Variants in ZBTB20 observed in about 807,000 individuals in gnomAD.
ZBTB20 encodes the protein zinc finger and BTB domain-containing protein 20.
A neutral mutation model predicts 56.9 loss-of-function variants in ZBTB20; 9 were observed. The observed-to-expected ratio is 0.16, with a 90% CI of 0.10 to 0.28. The LOEUF is 0.28. Ranked by LOEUF, ZBTB20 falls within the 10% of genes least tolerant of loss-of-function variation. The probability of loss-of-function intolerance (pLI) is 1.00; values close to 1 mark genes in which losing one functional copy is unlikely to be tolerated. For synonymous variants in ZBTB20, 417 were observed against 420.7 expected (o/e 0.99, Z 0.11); for missense variants, 655 against 1,003.0 (o/e 0.65, Z 4.69).
intron 6 of ZBTB20, among the ~76,000 whole-genome samples, chr3:114,676,963 C>T (rs1340357732): frequency 2.6e-5 from 4 of 151,882 alleles, no homozygotes; most frequent in Non-Finnish European, 4.4e-5. Context: ...TTAGTAGAGA[C>T]GGGGTTTCAC....
chr3:115,103,190 T>C (rs540690680), intron 1 of ZBTB20: 1 of 152,304 alleles, frequency 6.6e-6, no homozygotes, highest in Non-Finnish European at 1.5e-5. Flanking sequence ...GTTATTTAAT[T>C]AAATTGCTTC....
chr3:115,073,013 C>A (rs549706852), intron 1 of ZBTB20, among the ~76,000 whole-genome samples: 7 of 152,094 alleles, frequency 4.6e-5, no homozygotes, highest in Non-Finnish European at 7.4e-5. Flanking sequence ...GTTATAAGCA[C>A]AAGGGGTGAT....
At chr3:114,527,864 T>C (rs1176896547) in intron 6 of ZBTB20, among the ~76,000 whole-genome samples, 1 of 152,190 alleles carries the variant, frequency 6.6e-6, no homozygotes, top group African/African-American at 2.4e-5. Flanking sequence ...AATTATTTGT[T>C]GTACACAGTA....
At chr3:114,959,600 A>G in intron 3 of ZBTB20, among the ~76,000 whole-genome samples, 1 of 152,066 alleles carries the variant, frequency 6.6e-6, no homozygotes, top group Non-Finnish European at 1.5e-5. Flanking sequence ...TTTGTATGCC[A>G]AAGAGAATCA....
intron 5 of ZBTB20, among the ~76,000 whole-genome samples, chr3:114,710,979 C>T (rs2064036185): frequency 6.6e-6 from 1 of 152,154 alleles, no homozygotes. Flanking sequence ...AAAGTCTTTA[C>T]AATATCCATC....
intron 6 of ZBTB20, among the ~76,000 whole-genome samples, chr3:114,533,862 C>A (rs76719887): frequency 6.6e-6 from 1 of 152,154 alleles, no homozygotes; most frequent in Non-Finnish European, 1.5e-5. Context: ...GAATTTTCAA[C>A]CCAGAATTTC....
chr3:114,504,712 C>T (rs1409905637), intron 6 of ZBTB20, among the ~76,000 whole-genome samples: 1 of 152,138 alleles, frequency 6.6e-6, no homozygotes, highest in African/African-American at 2.4e-5. Flanking sequence ...CTGGCAGGCA[C>T]CCTTAGTATT....
chr3:115,076,156 A>G (rs1221362072), intron 1 of ZBTB20, among the ~76,000 whole-genome samples: 1 of 152,190 alleles, frequency 6.6e-6, no homozygotes, highest in African/African-American at 2.4e-5. Flanking sequence ...GAAGACTTTA[A>G]TATTGTTAAA....
chr3:114,652,337 T>C (rs1230097360), intron 6 of ZBTB20, among the ~76,000 whole-genome samples: 3 of 152,086 alleles, frequency 2.0e-5, no homozygotes, highest in Non-Finnish European at 4.4e-5. Context: ...TGTTGTATCA[T>C]ACTCTGTTTT....
At chr3:114,479,509 A>AT (rs2041279638) in intron 7 of ZBTB20, among the ~76,000 whole-genome samples, 1 of 152,192 alleles carries the variant, frequency 6.6e-6, no homozygotes, top group African/African-American at 2.4e-5. Context: ...ACGTCTACAT[A>AT]TGTACACCGT....
chr3:114,579,436 A>T (rs2054418726), intron 6 of ZBTB20, among the ~76,000 whole-genome samples: 1 of 151,570 alleles, frequency 6.6e-6, no homozygotes, highest in Admixed American at 6.6e-5. Context: ...CCAGGAGAAA[A>T]ATTTAGAGTC....
intron 6 of ZBTB20, among the ~76,000 whole-genome samples, chr3:114,532,343 T>C (rs966908201): frequency 6.6e-6 from 1 of 152,092 alleles, no homozygotes; most frequent in African/African-American, 2.4e-5. Flanking sequence ...TAGGTGGTTT[T>C]CCCCTCACAG....
intron 6 of ZBTB20, among the ~76,000 whole-genome samples, chr3:114,583,733 A>C (rs188250035): frequency 6.6e-6 from 1 of 152,336 alleles, no homozygotes; most frequent in East Asian, 1.9e-4. Context: ...AAACTGTTGA[A>C]ATGTATATTC....
Position 114,806,608 on chromosome 3 carries a change from A to G in ZBTB20, c.-416-5434T>C, listed in dbSNP as rs540417522. Among the ~76,000 whole-genome samples, 32 of 152,068 alleles carry G rather than the reference A, an allele frequency of 2.1e-4. No homozygotes were observed. The South Asian group carries it at 6.6e-3, about 32-fold the overall frequency. The stretch of plus-strand genomic sequence containing the variant: ...TGCAAAAGTTTTAAATTTTGTTGAC[A>G]TCCTAATTACCAAGGATTTTATTGA... On this transcript the variant is annotated intron_variant, in intron 4 of 11. Coordinates refer to ENST00000675478, the MANE Select transcript of ZBTB20 (RefSeq NM_001348800.3).
intron 4 of ZBTB20, among the ~76,000 whole-genome samples, chr3:114,890,190 T>C (rs1420390337): frequency 6.6e-6 from 1 of 152,168 alleles, no homozygotes. Flanking sequence ...GCAGTTAAAA[T>C]AGAAATTCCT....
At chr3:114,623,403 G>A (rs1381604930) in intron 6 of ZBTB20, among the ~76,000 whole-genome samples, 1 of 152,090 alleles carries the variant, frequency 6.6e-6, no homozygotes, top group East Asian at 1.9e-4. Context: ...AATACTGTGA[G>A]GACAGTCATT....
At chr3:115,134,090 C>A (rs2084588155) in intron 1 of ZBTB20, among the ~76,000 whole-genome samples, 1 of 152,144 alleles carries the variant, frequency 6.6e-6, no homozygotes, top group African/African-American at 2.4e-5. Flanking sequence ...ATACTAACTT[C>A]TTAACATTAG....
intron 6 of ZBTB20, among the ~76,000 whole-genome samples, chr3:114,593,686 G>T (rs926116591): frequency 1.4e-4 from 21 of 152,026 alleles, no homozygotes; most frequent in African/African-American, 5.1e-4. Context: ...GCCTGGCCTA[G>T]GAGATTTTGG....
chr3:114,633,629 C>A (rs2059089087), intron 6 of ZBTB20, among the ~76,000 whole-genome samples: 4 of 152,112 alleles, frequency 2.6e-5, no homozygotes, highest in Admixed American at 2.6e-4. Context: ...TATATAACTC[C>A]AGAAAAATCA....
Sources: gnomAD v4.1 joint callset for allele counts (sites outside exome capture counted in the v4.1 genomes callset) on GRCh38, gnomAD v4.1.1 for gene constraint, MANE v1.5 for transcripts, NCBI Gene and HGNC (gene_info 2026-07-23, HGNC 2026-07-21) for gene names.